Variants in NFAT5 observed in about 807,000 individuals in gnomAD.
NFAT5 encodes nuclear factor of activated T cells 5.
Under a neutral mutation model 166.5 loss-of-function variants are expected in NFAT5, and 31 were observed. The ratio of observed to expected loss-of-function variants is 0.19; its 90% CI spans 0.14 to 0.25. The LOEUF (loss-of-function observed/expected upper bound fraction) is 0.25, where lower values mean the gene tolerates loss of function less well. NFAT5 is among the 10% of genes least tolerant of loss of function. The pLI, the probability that NFAT5 is intolerant of heterozygous loss-of-function variation, is 1.00. For synonymous variants in NFAT5, 612 were observed against 639.7 expected (o/e 0.96, Z 0.65); for missense variants, 1,449 against 1,821.8 (o/e 0.80, Z 3.72).
intron 7 of NFAT5, among the ~76,000 whole-genome samples, chr16:69,661,096 T>TG (rs968626624): frequency 2.7e-5 from 4 of 149,956 alleles, no homozygotes; most frequent in African/African-American, 7.4e-5. Flanking sequence ...TTTTTTTTTT[T>TG]TTTGTTAGAT....
rs28735830 is a variant in NFAT5 at position 69,659,134 on chromosome 16, T to A, written c.1197-593T>A. 9.2e-4 allele frequency among the ~76,000 whole-genome samples: 140 copies of A among 151,734 alleles called. No individual in the cohort carries two copies. The Middle Eastern group carries it at 0.01, about 11-fold the overall frequency. On this transcript the variant is annotated intron_variant, in intron 6 of 14. Coordinates refer to ENST00000349945, the MANE Select transcript of NFAT5 (RefSeq NM_138713.4). ...AGACTAAATGTATTTTTTTATTTTTTTTTTTTTTTTAAAAAAAAGGTCTCT... is the reference window on the plus strand; with the variant it reads ...AGACTAAATGTATTTTTTTATTTTTATTTTTTTTTTAAAAAAAAGGTCTCT...
rs762414992 is a variant in NFAT5, at chr16:69,670,059, C to T, written c.1452C>T (p.Ile484=). ...SVKGEEEVFL[I]GKNFLKGTKV... ...AAGGAGAAGAAGAAGTGTTTTTAAT[C>T]GGCAAGAACTTTCTGAAAGGAACTA... is the stretch of plus-strand genomic sequence containing the variant. The change falls in exon 8 of 15, where the codon ATC becomes ATT. Residue 484 remains isoleucine (I), a synonymous_variant. Coordinates refer to ENST00000349945, the MANE Select transcript of NFAT5 (RefSeq NM_138713.4). 4.7e-5 allele frequency: 75 copies of T among 1,612,750 alleles called. No individual in the cohort carries two copies. Among genetic ancestry groups the T allele is most frequent in the Non-Finnish European group, 5.4e-5 (64 of 1,179,596 alleles).
intron 2 of NFAT5, among the ~76,000 whole-genome samples, chr16:69,577,802 A>G (rs901846229): frequency 2.0e-5 from 3 of 152,168 alleles, no homozygotes; most frequent in Non-Finnish European, 4.4e-5. Flanking sequence ...CGGGTTATAT[A>G]TATTCTGCCA....
At chr16:69,606,692 T>G (rs1021298396) in intron 2 of NFAT5, among the ~76,000 whole-genome samples, 5 of 152,028 alleles carry the variant, frequency 3.3e-5, no homozygotes, top group African/African-American at 9.7e-5. Flanking sequence ...TCATCTCCAC[T>G]AAAAATACAC....
At chr16:69,637,550 A>G (rs7203800) in intron 3 of NFAT5, among the ~76,000 whole-genome samples, 6,691 of 152,248 alleles carry the variant, frequency 0.044, 493 homozygotes, top group African/African-American at 0.15. Flanking sequence ...CACTTCTTAC[A>G]TGGTGGCAGC....
At chr16:69,596,747 C>G (rs1004450438) in intron 2 of NFAT5, among the ~76,000 whole-genome samples, 2 of 150,036 alleles carry the variant, frequency 1.3e-5, no homozygotes, top group East Asian at 3.9e-4. Flanking sequence ...AGTATTCTGA[C>G]TTCAATCCAT....
intron 2 of NFAT5, among the ~76,000 whole-genome samples, chr16:69,585,711 T>A (rs552222235): frequency 6.6e-6 from 1 of 152,150 alleles, no homozygotes; most frequent in South Asian, 2.1e-4. Flanking sequence ...ATACGCAAAG[T>A]GAAATAAGCC....
intron 3 of NFAT5, among the ~76,000 whole-genome samples, chr16:69,637,192 C>A (rs1276435241): frequency 6.6e-6 from 1 of 152,146 alleles, no homozygotes; most frequent in Non-Finnish European, 1.5e-5. Flanking sequence ...CCAACAAGTT[C>A]TTTATCTCCA....
chr16:69,657,740 CAG>C (rs1459566076), intron 6 of NFAT5, among the ~76,000 whole-genome samples: 12 of 107,096 alleles, frequency 1.1e-4, no homozygotes, highest in African/African-American at 3.7e-4. Context: ...GCCTGGGCAA[CAG>C]AGCAAGACTC....
In NFAT5 at chr16:69,566,588, C is replaced by A. The variant is rs958080760; in HGVS notation, c.73+214C>A. Among the ~76,000 whole-genome samples the A allele has an allele frequency of 1.3e-5, 2 of 152,024 alleles. No individual in the cohort carries two copies. The highest frequency in any genetic ancestry group is 2.9e-5 in the Non-Finnish European group (2 of 67,954). On this transcript the variant is annotated intron_variant, in intron 1 of 14. Transcript: ENST00000349945. This position sits in a 1 kb window ranked among gnomAD's most constrained non-coding sequence, Gnocchi z 5.7. ...GGCGGCCCCTCCCCCGCGGAGCCGCCGGCCGCTCGGGGCCCAGATTCCGTC... is the reference window on the plus strand; with the variant it reads ...GGCGGCCCCTCCCCCGCGGAGCCGCAGGCCGCTCGGGGCCCAGATTCCGTC...
chr16:69,578,474 G>T (rs1447239124), intron 2 of NFAT5, among the ~76,000 whole-genome samples: 3 of 152,136 alleles, frequency 2.0e-5, no homozygotes, highest in Non-Finnish European at 4.4e-5. Flanking sequence ...CAATTCAATA[G>T]AACACTTAAA....
At chr16:69,602,585 T>TTTC (rs1318233446) in intron 2 of NFAT5, among the ~76,000 whole-genome samples, 3 of 136,174 alleles carry the variant, frequency 2.2e-5, no homozygotes, top group African/African-American at 7.9e-5. Context: ...TCTTTCTTTC[T>TTTC]TTTTTTTTTT....
At chr16:69,583,717 T>C (rs2031849791) in intron 2 of NFAT5, among the ~76,000 whole-genome samples, 1 of 152,176 alleles carries the variant, frequency 6.6e-6, no homozygotes, top group South Asian at 2.1e-4. Context: ...CTTGCATTTT[T>C]GTAACACCTG....
In NFAT5 at chr16:69,566,281, G is replaced by T. The variant is rs772849040; in HGVS notation, c.-21G>T. The stretch of plus-strand genomic sequence containing the variant: ...GCTCCCCCCCTCCCGCTGCCCTCGG[G>T]CCGGGCTGGGTCGAGCTGCGATGCC... On this transcript the variant is annotated 5_prime_UTR_variant, in exon 1 of 15. Coordinates refer to ENST00000349945, the MANE Select transcript of NFAT5 (RefSeq NM_138713.4). The surrounding 1 kb of genome is among the most constrained non-coding windows in gnomAD (Gnocchi z 5.7). The T allele has an allele frequency of 1.7e-5, 27 of 1,594,076 alleles. No individual in the cohort carries two copies. Among genetic ancestry groups the T allele is most frequent in the Non-Finnish European group, 2.1e-5 (25 of 1,172,782 alleles).
chr16:69,689,729 G>A (rs531661950), intron 11 of NFAT5, among the ~76,000 whole-genome samples: 1 of 152,220 alleles, frequency 6.6e-6, no homozygotes, highest in East Asian at 1.9e-4. Context: ...ATTTTTAGTA[G>A]AGACAGAGTT....
In NFAT5 at chr16:69,576,393, G is replaced by A. The variant is rs573890648; in HGVS notation, c.127+7845G>A. Among the ~76,000 whole-genome samples, 176 of 152,022 alleles carry A rather than the reference G, an allele frequency of 1.2e-3. 1 individual carries two copies. The highest frequency in any genetic ancestry group is 1.7e-3 in the Admixed American group (26 of 15,262). ...AGATGGTATAAAAAGAATAGTTTGT[G>A]TAGGATTCTTTACTAAGCAGCTTCC... On this transcript the variant is annotated intron_variant, in intron 2 of 14. Transcript: ENST00000349945.
intron 3 of NFAT5, among the ~76,000 whole-genome samples, chr16:69,627,350 A>T (rs1352140405): frequency 1.5e-3 from 3 of 1,944 alleles, no homozygotes; most frequent in African/African-American, 2.6e-3. Context: ...ATATATATAT[A>T]TATATATATA....
rs1269872439 is a variant in NFAT5, at chr16:69,566,221, C to A, written c.-81C>A. 6 of 1,352,402 alleles carry A rather than the reference C, an allele frequency of 4.4e-6. No homozygotes were observed. In the African/African-American group the frequency reaches 5.9e-5, roughly 13 times the overall value. 83.8% of individuals were successfully genotyped at this position (1,352,402 alleles called of 1,614,324 possible). A position where few individuals can be genotyped will look rare whatever the true frequency, so the allele number is the denominator to read the frequency against. The stretch of plus-strand genomic sequence containing the variant: ...GCGTCGCCGCCCCCGGTTCGGTGCC[C>A]GCGGTCCCGGAGAGGAGGTGCCGCC... On this transcript the variant is annotated 5_prime_UTR_variant, in exon 1 of 15. Transcript: ENST00000349945. The surrounding 1 kb of genome is among the most constrained non-coding windows in gnomAD (Gnocchi z 5.7).
chr16:69,655,798 G>C lies in NFAT5; in HGVS notation c.1195G>C (p.Ala399Pro). ...TGATCCTAGCAACAACATGACACTG[G>C]CGTAAGTACTTAGTAAGAATTTTTC... ...GLDPSNNMTL[A>P]VDCVGILKLR... is the part of the protein sequence containing the mutation. The change falls in exon 6 of 15, where the codon GCG (alanine) becomes CCG (proline). Residue 399 changes from alanine to proline, a missense_variant and splice_region_variant. Ala to Pro is a conservative substitution (Grantham distance 27, BLOSUM62 -1). Around this residue, in one of 7 missense-constraint regions of NFAT5, gnomAD observed 245 missense variants for 366.6 expected, o/e 0.67. Transcript: ENST00000349945. 6.2e-7 allele frequency: 1 copy of C among 1,609,402 alleles called. No individual in the cohort carries two copies. The highest frequency in any genetic ancestry group is 1.1e-5 in the South Asian group (1 of 90,438).
Sources: allele counts gnomAD v4.1 joint callset (sites outside exome capture counted in the v4.1 genomes callset), GRCh38; gene constraint gnomAD v4.1.1; regional missense constraint gnomAD v4.1.1; non-coding constraint Gnocchi (gnomAD v3.1); transcripts MANE v1.5; gene names NCBI Gene and HGNC (gene_info 2026-07-23, HGNC 2026-07-21).